Variants in PWWP2A observed in about 807,000 individuals in gnomAD.
The protein encoded by PWWP2A is PWWP domain-containing protein 2A.
Under a neutral mutation model 48.5 loss-of-function variants are expected in PWWP2A, and 18 were observed. The ratio of observed to expected loss-of-function variants is 0.37; its 90% CI spans 0.26 to 0.55. The LOEUF (loss-of-function observed/expected upper bound fraction) is 0.55. PWWP2A is among the 20% of genes least tolerant of loss of function. PWWP2A has a pLI of 0.81. For synonymous variants in PWWP2A, 396 were observed against 387.7 expected (o/e 1.02, Z -0.25); for missense variants, 867 against 976.4 (o/e 0.89, Z 1.49).
Position 160,093,081 on chromosome 5 carries a change from A to T in PWWP2A, c.1569T>A (p.Asn523Lys), listed in dbSNP as rs1299342911. The T allele has an allele frequency of 1.9e-6, 3 of 1,613,396 alleles. No homozygotes were observed. The highest frequency in any genetic ancestry group is 3.3e-5 in the Admixed American group (2 of 59,908). The change falls in exon 2 of 2, where the codon AAT becomes AAA. Residue 523 changes from asparagine (N) to lysine (K), a missense_variant. Asn to Lys is a moderately conservative substitution (Grantham distance 94, BLOSUM62 0). This residue lies in a region of PWWP2A where 382 missense variants were observed against 407.2 expected (regional missense o/e 0.94). Coordinates refer to ENST00000307063, the MANE Select transcript of PWWP2A (RefSeq NM_001130864.2). The surrounding 1 kb of genome is among the most constrained non-coding windows in gnomAD (Gnocchi z 5.8). ...CTTCAGGGCCTTTTGAGGGACTCTG[A>T]TTTTCTGAAGGGGCCTCACCTGCTG... ...TRSAGEAPSE[N>K]QSPSKGPEEA... is the part of the protein sequence containing the mutation.
intron 2 of PWWP2A, among the ~76,000 whole-genome samples, chr5:160,067,969 T>C (rs1483708804): frequency 6.6e-6 from 1 of 152,142 alleles, no homozygotes; most frequent in Non-Finnish European, 1.5e-5. Flanking sequence ...TCACCTGAAG[T>C]CAGGAGTTCA....
At position 160,092,013 on chromosome 5, in the gene PWWP2A, G is replaced by GATATATATATATATATGTATATAT. The variant is rs138372919; in HGVS notation, c.*368_*369insATATATACATATATATATATATAT. The GATATATATATATATATGTATATAT allele has an allele frequency of 3.2e-6, 1 of 310,614 alleles. No individual in the cohort carries two copies. The allele number at this position is 310,614 out of a possible 1,614,324, so 19.2% of individuals were successfully genotyped here. On this transcript the variant is annotated 3_prime_UTR_variant, in exon 2 of 2. Transcript: ENST00000307063. Reference sequence around the variant, plus strand: ...ATATGTGTGTATATATACATACACGGATATATATATATACACACACACACA... The same window carrying GATATATATATATATATGTATATAT: ...ATATGTGTGTATATATACATACACGGATATATATATATATATGTATATATATATATATATATACACACACACACA...
intron 5 of PWWP2A, chr5:160,062,239 A>G (rs1408692945): frequency 6.6e-6 from 1 of 152,234 alleles, no homozygotes; most frequent in Non-Finnish European, 1.5e-5. Flanking sequence ...TCTCGTCGGC[A>G]GTTTGAATAT....
chr5:160,107,745 G>A (rs1382898901), intron 1 of PWWP2A, among the ~76,000 whole-genome samples: 4 of 151,742 alleles, frequency 2.6e-5, no homozygotes, highest in Non-Finnish European at 1.5e-5. Context: ...CAGGCCAGGC[G>A]CGGTGGCTCA....
chr5:160,057,568 T>C (rs1363145329), downstream of PWWP2A, among the ~76,000 whole-genome samples: 1 of 152,170 alleles, frequency 6.6e-6, no homozygotes, highest in Non-Finnish European at 1.5e-5. The surrounding 1 kb of genome is among the most constrained non-coding windows in gnomAD (Gnocchi z 4.4). Flanking sequence ...AACATTGGGG[T>C]GTCTGTGGCA....
At chr5:160,117,675 A>T (rs1758283008) in intron 1 of PWWP2A, among the ~76,000 whole-genome samples, 1 of 152,048 alleles carries the variant, frequency 6.6e-6, no homozygotes, top group South Asian at 2.1e-4. Context: ...AAAAAAAGAT[A>T]TTTGAGATTA....
downstream of PWWP2A, chr5:160,089,922 C>T (rs1005422431): frequency 2.0e-6 from 2 of 985,106 alleles, no homozygotes; most frequent in African/African-American, 3.5e-5. Context: ...AGATACTGGA[C>T]AAATTTATCT....
In PWWP2A at chr5:160,093,361, T is replaced by A; in HGVS notation, c.1289A>T (p.Glu430Val). 6.2e-7 allele frequency: 1 copy of A among 1,613,908 alleles called. No individual in the cohort carries two copies. Among genetic ancestry groups the A allele is most frequent in the Non-Finnish European group, 8.5e-7 (1 of 1,179,830 alleles). The change falls in exon 2 of 2, where the codon GAA (glutamate) becomes GTA (valine). Residue 430 changes from glutamate (E) to valine (V), a missense_variant. Physicochemically the swap from Glu to Val is moderately radical, Grantham distance 121. Transcript: ENST00000307063. The surrounding 1 kb of genome is among the most constrained non-coding windows in gnomAD (Gnocchi z 5.8). ...CTTTTCTTTGGCAATTTTTAACACT[T>A]CCCGAGCTTTCGCATGATCCATGTT... is the stretch of plus-strand genomic sequence containing the variant. The part of the protein sequence containing the change: ...SKNMDHAKAR[E>V]VLKIAKEKAQ...
downstream of PWWP2A, chr5:160,090,205 A>C: frequency 5.1e-6 from 5 of 985,270 alleles, no homozygotes; most frequent in Non-Finnish European, 6.0e-6. Context: ...TGGCTTCTGA[A>C]ACAAATCCAA....
chr5:160,092,515 AAG>A lies in PWWP2A; in HGVS notation c.2133_2134del (p.Leu713ArgfsTer8). ...AAAGCGTGACTGGAAGTTTTCTAAAAAGGGGGAGAGTTGTGAAAGAGCAAGGA... is the reference window on the plus strand; with the variant it reads ...AAAGCGTGACTGGAAGTTTTCTAAAAGGGGAGAGTTGTGAAAGAGCAAGGA... On this transcript the variant is annotated frameshift_variant, in exon 2 of 2. Transcript: ENST00000307063. LOFTEE classifies it high-confidence loss of function. The A allele has an allele frequency of 6.4e-7, 1 of 1,551,612 alleles. No homozygotes were observed. Among genetic ancestry groups the A allele is most frequent in the Non-Finnish European group, 8.7e-7 (1 of 1,146,972 alleles).
downstream of PWWP2A, among the ~76,000 whole-genome samples, chr5:160,073,088 G>T (rs1425163392): frequency 6.6e-6 from 1 of 151,632 alleles, no homozygotes; most frequent in East Asian, 1.9e-4. Flanking sequence ...TGAAGAGCTT[G>T]GTGAGATGGA....
chr5:160,112,168 AAAAG>A (rs896649434), intron 1 of PWWP2A, among the ~76,000 whole-genome samples: 1 of 151,832 alleles, frequency 6.6e-6, no homozygotes, highest in Non-Finnish European at 1.5e-5. Context: ...AAAAGAAAAA[AAAAG>A]AAAGAAAAAA....
At chr5:160,118,594 C>T (rs918130713) in intron 1 of PWWP2A, among the ~76,000 whole-genome samples, 1 of 152,180 alleles carries the variant, frequency 6.6e-6, no homozygotes, top group Admixed American at 6.5e-5. Context: ...GGTGGCACAC[C>T]TGCCCCGCAG....
chr5:160,086,862 C>A (rs563235605), downstream of PWWP2A, among the ~76,000 whole-genome samples: 46 of 152,308 alleles, frequency 3.0e-4, no homozygotes, highest in African/African-American at 1.0e-3. Flanking sequence ...GTTTTACATA[C>A]CATCACACTT....
chr5:160,097,709 G>GT (rs201402372), intron 1 of PWWP2A, among the ~76,000 whole-genome samples: 2 of 147,096 alleles, frequency 1.4e-5, no homozygotes, highest in Admixed American at 1.3e-4. Context: ...TTTTTTTTGG[G>GT]GGGGGGGGCG....
At chr5:160,051,646 A>G in the PWWP2A span, among the ~76,000 whole-genome samples, 1 of 152,222 alleles carries the variant, frequency 6.6e-6, no homozygotes, top group African/African-American at 2.4e-5. Flanking sequence ...GAGGGCAGGA[A>G]TTAGGAGTAA....
intron 1 of PWWP2A, among the ~76,000 whole-genome samples, chr5:160,095,125 C>T (rs1489539734): frequency 7.2e-6 from 1 of 138,572 alleles, no homozygotes; most frequent in Non-Finnish European, 1.5e-5. Flanking sequence ...TAAATACACA[C>T]ACTTAAGCAA....
chr5:160,064,958 G>C, intron 4 of PWWP2A: 1 of 1,613,512 alleles, frequency 6.2e-7, no homozygotes, highest in Non-Finnish European at 8.5e-7. Flanking sequence ...TGGGAACTTG[G>C]TTCTCCGACC....
the PWWP2A span, chr5:160,049,535 A>G: frequency 7.6e-6 from 12 of 1,579,866 alleles, no homozygotes; most frequent in East Asian, 2.3e-5. Context: ...AACCCCAGCT[A>G]TATCAGGGCA....
Sources: allele counts gnomAD v4.1 joint callset (sites outside exome capture counted in the v4.1 genomes callset), GRCh38; gene constraint gnomAD v4.1.1; regional missense constraint gnomAD v4.1.1; non-coding constraint Gnocchi (gnomAD v3.1); transcripts MANE v1.5; gene names NCBI Gene and HGNC (gene_info 2026-07-23, HGNC 2026-07-21).